Variants in TBC1D5 observed in about 807,000 individuals in gnomAD.
TBC1D5 encodes the protein TBC1 domain family, member 5.
Under a neutral mutation model 100.3 loss-of-function variants are expected in TBC1D5, and 75 were observed. The observed-to-expected ratio is 0.75, with a 90% CI of 0.62 to 0.91. TBC1D5 has a LOEUF of 0.91. Ranked by LOEUF, TBC1D5 falls within the 40% of genes least tolerant of loss-of-function variation. The pLI, the probability that TBC1D5 is intolerant of heterozygous loss-of-function variation, is 0.00. For missense variants in TBC1D5, 910 were observed against 942.4 expected, an observed-to-expected ratio of 0.97 and a Z score of 0.45; for synonymous variants, 323 against 325.6, an observed-to-expected ratio of 0.99 and a Z score of 0.09.
intron 13 of TBC1D5, among the ~76,000 whole-genome samples, chr3:17,336,390 G>A (rs1006995251): frequency 6.6e-6 from 1 of 151,858 alleles, no homozygotes; most frequent in African/African-American, 2.4e-5. Context: ...ACAACTAAAC[G>A]GTATCTTACA....
intron 1 of TBC1D5, among the ~76,000 whole-genome samples, chr3:17,709,137 G>A (rs1010698847): frequency 1.3e-5 from 2 of 151,704 alleles, no homozygotes; most frequent in African/African-American, 4.8e-5. Flanking sequence ...TATGATACTT[G>A]GTCCACATTT....
At chr3:17,589,638 GT>G (rs1156516724) in intron 2 of TBC1D5, among the ~76,000 whole-genome samples, 1 of 152,138 alleles carries the variant, frequency 6.6e-6, no homozygotes, top group Non-Finnish European at 1.5e-5. Flanking sequence ...TTTGTAAATC[GT>G]CCAGTCTTGG....
chr3:17,618,360 GAC>G (rs1457919809), intron 2 of TBC1D5, among the ~76,000 whole-genome samples: 1 of 152,196 alleles, frequency 6.6e-6, no homozygotes, highest in African/African-American at 2.4e-5. Flanking sequence ...GGGGGTCAGG[GAC>G]CAACTTGAGT....
chr3:17,695,300 G>A (rs376905549), intron 1 of TBC1D5, among the ~76,000 whole-genome samples: 27 of 152,154 alleles, frequency 1.8e-4, no homozygotes, highest in Admixed American at 9.8e-4. Flanking sequence ...ACGCGGACTG[G>A]CAAATTGGAT....
intron 15 of TBC1D5, among the ~76,000 whole-genome samples, chr3:17,274,922 T>C (rs2079822959): frequency 6.6e-6 from 1 of 152,212 alleles, no homozygotes; most frequent in Admixed American, 6.5e-5. Context: ...TCAATTCATA[T>C]ATCTTCAACA....
intron 19 of TBC1D5, among the ~76,000 whole-genome samples, chr3:17,178,827 A>G (rs62248250): frequency 1.3e-5 from 2 of 151,542 alleles, no homozygotes; most frequent in African/African-American, 4.9e-5. Context: ...TTTTTTTTTA[A>G]TAGAAACTAG....
chr3:17,581,380 C>T (rs2096695378), intron 2 of TBC1D5, among the ~76,000 whole-genome samples: 1 of 152,144 alleles, frequency 6.6e-6, no homozygotes, highest in African/African-American at 2.4e-5. Flanking sequence ...CATCTCAGAC[C>T]TCTTTACTGA....
At chr3:17,580,704 T>C (rs2096688614) in intron 2 of TBC1D5, among the ~76,000 whole-genome samples, 1 of 152,138 alleles carries the variant, frequency 6.6e-6, no homozygotes, top group Non-Finnish European at 1.5e-5. Context: ...CACCTGTTTC[T>C]CCTCCCACTC....
intron 15 of TBC1D5, among the ~76,000 whole-genome samples, chr3:17,277,341 C>G (rs765373871): frequency 1.3e-5 from 2 of 152,142 alleles, no homozygotes; most frequent in Non-Finnish European, 2.9e-5. Context: ...CAGGTTTCCT[C>G]TCATTTTCTA....
At chr3:17,715,336 C>G (rs1406130160) in intron 1 of TBC1D5, among the ~76,000 whole-genome samples, 1 of 152,142 alleles carries the variant, frequency 6.6e-6, no homozygotes, top group Non-Finnish European at 1.5e-5. Context: ...TTTTAGAGAG[C>G]AAGGTCTGTG....
chr3:17,561,466 T>C (rs1272664562), intron 2 of TBC1D5, among the ~76,000 whole-genome samples: 1 of 152,114 alleles, frequency 6.6e-6, no homozygotes. Context: ...CCAAATAAAT[T>C]AGCAGACAGA....
chr3:17,284,007 G>A (rs1402946175), intron 15 of TBC1D5, among the ~76,000 whole-genome samples: 1 of 151,180 alleles, frequency 6.6e-6, no homozygotes, highest in Non-Finnish European at 1.5e-5. Flanking sequence ...ACCTGAAATG[G>A]CACCTCCTCA....
chr3:17,394,324 G>C (rs1559792261), intron 8 of TBC1D5, among the ~76,000 whole-genome samples: 1 of 152,088 alleles, frequency 6.6e-6, no homozygotes. Flanking sequence ...AAGAAGCATT[G>C]AATCTAGACA....
intron 17 of TBC1D5, among the ~76,000 whole-genome samples, chr3:17,237,745 C>T (rs1032156502): frequency 1.2e-4 from 18 of 152,348 alleles, no homozygotes; most frequent in Non-Finnish European, 2.4e-4. Context: ...CCTAGTGGCC[C>T]ACTTTCTCAA....
chr3:17,480,958 C>T (rs1176181337), intron 3 of TBC1D5, among the ~76,000 whole-genome samples: 2 of 152,210 alleles, frequency 1.3e-5, no homozygotes, highest in Non-Finnish European at 2.9e-5. Context: ...TGGCTTGAAA[C>T]ATGCTCCCCC....
chr3:17,535,967 C>T (rs2096277816), intron 2 of TBC1D5, among the ~76,000 whole-genome samples: 1 of 152,018 alleles, frequency 6.6e-6, no homozygotes, highest in Non-Finnish European at 1.5e-5. Flanking sequence ...TACAAGTACC[C>T]ACTAACAGTA....
intron 8 of TBC1D5, among the ~76,000 whole-genome samples, chr3:17,401,347 T>C (rs900165484): frequency 9.2e-5 from 6 of 65,076 alleles, no homozygotes; most frequent in Non-Finnish European, 1.7e-4. Flanking sequence ...ATGTATAATA[T>C]ACATATATAT....
At chr3:17,716,107 C>T (rs536258350) in intron 1 of TBC1D5, among the ~76,000 whole-genome samples, 87 of 152,202 alleles carry the variant, frequency 5.7e-4, no homozygotes, top group African/African-American at 2.0e-3. Flanking sequence ...AGACGCTTGG[C>T]ACCATGAGGT....
rs139797867 is a variant in TBC1D5, at chr3:17,696,518, T to C, written c.-101+42825A>G. ...AATCTAGAAGAAATAGATGAATTCC[T>C]GGATACATACAAGACTAAACCAAGA... On this transcript the variant is annotated intron_variant, in intron 1 of 21. Coordinates refer to ENST00000253692, the Ensembl canonical transcript of TBC1D5. Among the ~76,000 whole-genome samples the C allele has an allele frequency of 9.9e-3, 1,507 of 152,286 alleles. 28 individuals carry two copies. Among genetic ancestry groups the C allele is most frequent in the African/African-American group, 0.034 (1,412 of 41,566 alleles).
Sources: gnomAD v4.1 joint callset for allele counts (sites outside exome capture counted in the v4.1 genomes callset) on GRCh38, gnomAD v4.1.1 for gene constraint, MANE v1.5 for transcripts, NCBI Gene and HGNC (gene_info 2026-07-23, HGNC 2026-07-21) for gene names.